The following FN1 variants were observed in gnomAD, a reference collection of about 807,000 sequenced individuals.
FN1 encodes fibronectin 1.
A neutral mutation model predicts 297.3 loss-of-function variants in FN1; 106 were observed. The ratio of observed to expected loss-of-function variants is 0.36; its 90% CI spans 0.30 to 0.42. The LOEUF (loss-of-function observed/expected upper bound fraction) is 0.42. Ranked by LOEUF, FN1 falls within the 10% of genes least tolerant of loss-of-function variation. The pLI is 1.00. For synonymous variants in FN1, 1,149 were observed against 1,152.6 expected, an observed-to-expected ratio of 1.00 and a Z score of 0.06; for missense variants, 2,690 against 3,124.9, an observed-to-expected ratio of 0.86 and a Z score of 3.32.
intron 12 of FN1, among the ~76,000 whole-genome samples, chr2:215,417,427 CTTTT>C (rs1335331158): frequency 1.3e-5 from 2 of 152,048 alleles, no homozygotes; most frequent in African/African-American, 4.8e-5. Context: ...TGACTCAGTC[CTTTT>C]TTTCTCTATT....
chr2:215,409,812 A>G (rs2062324843), intron 14 of FN1, 73 bp from the exon 15 acceptor site: 1 of 1,597,230 alleles, frequency 6.3e-7, no homozygotes, highest in East Asian at 2.2e-5. Flanking sequence ...CGCCAACATC[A>G]TTTTAAAAAA....
intron 13 of FN1, among the ~76,000 whole-genome samples, chr2:215,412,145 G>A (rs1559520985): frequency 6.6e-6 from 1 of 151,812 alleles, no homozygotes; most frequent in African/African-American, 2.4e-5. Flanking sequence ...TTCTGCAAAT[G>A]GCCAGATTAT....
intron 3 of FN1, among the ~76,000 whole-genome samples, chr2:215,432,409 CA>C (rs1448226261): frequency 6.6e-6 from 1 of 152,160 alleles, no homozygotes; most frequent in Admixed American, 6.6e-5. Flanking sequence ...TGGTGGAAAG[CA>C]AACAGACATA....
chr2:215,371,713 A>G (rs1220896419), intron 40 of FN1, among the ~76,000 whole-genome samples, 196 bp downstream of exon 40: 1 of 134,634 alleles, frequency 7.4e-6, no homozygotes, highest in Non-Finnish European at 1.5e-5. Flanking sequence ...AGGTTTCACC[A>G]TGTTGGCCAG....
chr2:215,363,831 AC>A (rs1338478090), intron 44 of FN1, among the ~76,000 whole-genome samples: 1 of 152,180 alleles, frequency 6.6e-6, no homozygotes, highest in African/African-American at 2.4e-5. Context: ...TTTTTGTTAT[AC>A]TGGGCATATT....
rs2106515472 is a variant in FN1, at chr2:215,430,831, G to A, written c.569C>T (p.Ala190Val). Residue 190 changes from alanine to valine, a missense_variant, in exon 5 of 46, where the codon GCT becomes GTT. Physicochemically the swap from Ala to Val is moderately conservative, Grantham distance 64. Coordinates refer to ENST00000354785, the MANE Select transcript of FN1 (RefSeq NM_212482.4). ...TCCGACCACATAGGAAGTCCCAGCA[G>A]CATGATCAAAACACTTCTCAGCTGT... Reference protein sequence around the residue: ...KPIAEKCFDHAAGTSYVVGET... With the variant: ...KPIAEKCFDHVAGTSYVVGET... The A allele has an allele frequency of 6.2e-7, 1 of 1,614,080 alleles. No individual in the cohort carries two copies. Among genetic ancestry groups the A allele is most frequent in the Non-Finnish European group, 8.5e-7 (1 of 1,179,982 alleles).
chr2:215,412,766 T>TTC (rs1486955415), intron 13 of FN1, among the ~76,000 whole-genome samples: 1 of 81,334 alleles, frequency 1.2e-5, no homozygotes, highest in Non-Finnish European at 2.6e-5. Flanking sequence ...GTATCTTTTT[T>TTC]TTTTTTTTTT....
At chr2:215,363,236 T>G (rs2053863559) in intron 44 of FN1, 1 of 152,114 alleles carries the variant, frequency 6.6e-6, no homozygotes, top group East Asian at 1.9e-4. Context: ...ACATGAAAGG[T>G]TTCATGTGCA....
intron 40 of FN1, among the ~76,000 whole-genome samples, chr2:215,371,379 GAT>G (rs1474660087): frequency 4.0e-5 from 6 of 149,584 alleles, no homozygotes; most frequent in Admixed American, 2.7e-4. Context: ...TTTTTCTTTA[GAT>G]ATGTTGTAGA....
chr2:215,406,358 T>C lies in FN1; in HGVS notation c.2866A>G (p.Ile956Val), dbSNP rs778538491. The change falls in exon 19 of 46, where the codon ATC becomes GTC. Residue 956 changes from isoleucine to valine, a missense_variant. Around this residue, in one of 3 missense-constraint regions of FN1, gnomAD observed 1,743 missense variants for 1,945.2 expected, o/e 0.90. Coordinates refer to ENST00000354785, the MANE Select transcript of FN1 (RefSeq NM_212482.4). ...ACTTCTGCAAAGGTGTTCCTGCTGA[T>C]GGGCAGCCTCTGCCCGTGCTCGCCA... is the stretch of plus-strand genomic sequence containing the variant. ...LPGEHGQRLP[I>V]SRNTFAEVTG... 19 of 1,614,096 alleles carry C rather than the reference T, an allele frequency of 1.2e-5. No individual in the cohort carries two copies. The highest frequency in any genetic ancestry group is 3.3e-4 in the Middle Eastern group (2 of 6,084).
At chr2:215,417,702 C>G (rs140725472) in intron 12 of FN1, among the ~76,000 whole-genome samples, 1 of 152,176 alleles carries the variant, frequency 6.6e-6, no homozygotes, top group South Asian at 2.1e-4. Flanking sequence ...CTCTTCCCTC[C>G]GAAATCACCT....
At chr2:215,398,420 T>G (rs1193400952) in intron 21 of FN1, among the ~76,000 whole-genome samples, 1 of 152,190 alleles carries the variant, frequency 6.6e-6, no homozygotes, top group Non-Finnish European at 1.5e-5. Flanking sequence ...AAAACTTAGG[T>G]AACACTGTTA....
At position 215,388,275 on chromosome 2, in the gene FN1, C is replaced by A. The variant is rs910585872; in HGVS notation, c.4279G>T (p.Val1427Leu). Residue 1427 changes from valine (V) to leucine (L), a missense_variant, in exon 27 of 46, where the codon GTG (valine) becomes TTG (leucine). By Grantham distance (32) the Val-to-Leu change is conservative. Transcript: ENST00000354785. ...TGTTCGTAGACACTGGAGACACTCA[C>A]TACATATTCTGTACCAGGCAGGAGA... ...TNLLPGTEYV[V>L]SVSSVYEQHE... 6.2e-7 allele frequency: 1 copy of A among 1,613,906 alleles called. No homozygotes were observed. The highest frequency in any genetic ancestry group is 1.7e-5 in the Admixed American group (1 of 60,022).
chr2:215,417,990 TTAAG>T (rs1171323282), intron 12 of FN1, among the ~76,000 whole-genome samples: 1 of 152,188 alleles, frequency 6.6e-6, no homozygotes, highest in African/African-American at 2.4e-5. Context: ...TTTCTACCAT[TTAAG>T]TATCATTTGC....
rs757351972 is a variant in FN1, at chr2:215,431,922, G to T, written c.458C>A (p.Thr153Asn). ...EGGQSYKIGD[T>N]WRRPHETGGY... ...ACCAGTCTCATGTGGTCTCCTCCAG[G>T]TGTCACCAATCTTGTAGGACTGACC... Residue 153 changes from threonine (T) to asparagine (N), a missense_variant, in exon 4 of 46, where the codon ACC (threonine) becomes AAC (asparagine). Physicochemically the swap from Thr to Asn is moderately conservative, Grantham distance 65. Coordinates refer to ENST00000354785, the MANE Select transcript of FN1 (RefSeq NM_212482.4). The T allele has an allele frequency of 2.5e-6, 4 of 1,614,012 alleles. No homozygotes were observed. In the South Asian group the frequency reaches 4.4e-5, roughly 18 times the overall value.
intron 30 of FN1, 109 bp downstream of exon 30, chr2:215,383,911 A>G: frequency 1.0e-5 from 13 of 1,301,490 alleles, no homozygotes; most frequent in Non-Finnish European, 1.4e-5. Context: ...GTTGTTGCTC[A>G]TTAAAAAGGA....
At chr2:215,386,609 G>GACA (rs2059046050) in intron 28 of FN1, 80 bp downstream of exon 28, 2 of 581,266 alleles carry the variant, frequency 3.4e-6, no homozygotes, top group Non-Finnish European at 5.7e-6. Flanking sequence ...GCTGATGACA[G>GACA]ACAACAGCAA....
intron 9 of FN1, among the ~76,000 whole-genome samples, chr2:215,423,004 T>A (rs987390538): frequency 9.8e-5 from 15 of 152,342 alleles, no homozygotes; most frequent in African/African-American, 2.6e-4. Context: ...ATATATTAAA[T>A]GTTGTAAGCT....
chr2:215,409,621 C>T lies in FN1; in HGVS notation c.2241G>A (p.Val747=). The change falls in exon 15 of 46, where the codon GTG becomes GTA. Residue 747 remains valine, a synonymous_variant. Coordinates refer to ENST00000354785, the MANE Select transcript of FN1 (RefSeq NM_212482.4). ...VVSWVSASDT[V]SGFRVEYELS... is the part of the protein sequence containing the mutation. ...GCTCATATTCCACCCGGAATCCCGA[C>T]ACGGTGTCGGAAGCTGAGACCCAGG... The T allele has an allele frequency of 6.2e-7, 1 of 1,614,102 alleles. No individual in the cohort carries two copies. The highest frequency in any genetic ancestry group is 8.5e-7 in the Non-Finnish European group (1 of 1,180,022).
Sources: gnomAD v4.1 joint callset for allele counts (sites outside exome capture counted in the v4.1 genomes callset) on GRCh38, gnomAD v4.1.1 for gene constraint, gnomAD v4.1.1 regional missense constraint, MANE v1.5 for transcripts, NCBI Gene and HGNC (gene_info 2026-07-23, HGNC 2026-07-21) for gene names.